HNF1A: variants seen among roughly 807,000 people sequenced by gnomAD.
HNF1A encodes hepatocyte nuclear factor 1-alpha.
Under a neutral mutation model 62.2 loss-of-function variants are expected in HNF1A, and 21 were observed. The observed-to-expected ratio is 0.34, with a 90% CI of 0.24 to 0.49. The LOEUF (loss-of-function observed/expected upper bound fraction) is 0.49. HNF1A is among the 20% of genes least tolerant of loss of function. The pLI, the probability that HNF1A is intolerant of heterozygous loss-of-function variation, is 0.99. For synonymous variants in HNF1A, 374 were observed against 366.8 expected (o/e 1.02, Z -0.22); for missense variants, 687 against 832.3 (o/e 0.83, Z 2.15).
At chr12:120,997,856 CTGCT>C (rs1877198859) in intron 7 of HNF1A, 191 bp downstream of exon 7, 9 of 732,196 alleles carry the variant, frequency 1.2e-5, no homozygotes, top group South Asian at 1.2e-4. Context: ...GTGTGCACGA[CTGCT>C]TGTGTGAGCA....
intron 1 of HNF1A, among the ~76,000 whole-genome samples, chr12:120,987,763 G>GATCT (rs71811344): frequency 0.021 from 3,055 of 146,980 alleles, 41 homozygotes; most frequent in Admixed American, 0.032. Context: ...TCACAAAGTT[G>GATCT]ATCTATCTAT....
Position 120,996,956 on chromosome 12 carries a change from C to T in HNF1A, c.1309+214C>T. The T allele has an allele frequency of 6.7e-7, 1 of 1,500,728 alleles. No homozygotes were observed. Among genetic ancestry groups the T allele is most frequent in the Non-Finnish European group, 9.1e-7 (1 of 1,104,170 alleles). 93.0% of individuals were successfully genotyped at this position (1,500,728 alleles called of 1,614,324 possible). Reference sequence around the variant, plus strand: ...AGCAACTCAAGCAGGGAGGCAGGCACTAAGCATAATACATCAATTCTGTGG... The same window carrying T: ...AGCAACTCAAGCAGGGAGGCAGGCATTAAGCATAATACATCAATTCTGTGG... On this transcript the variant is annotated intron_variant, in intron 6 of 9. Coordinates refer to ENST00000257555, the MANE Select transcript of HNF1A (RefSeq NM_000545.8). The surrounding 1 kb of genome is among the most constrained non-coding windows in gnomAD (Gnocchi z 4.5).
rs1367943647 is a variant in HNF1A at position 120,996,448 on chromosome 12, C to A, written c.1107+35C>A. The A allele has an allele frequency of 6.2e-7, 1 of 1,614,048 alleles. No individual in the cohort carries two copies. The highest frequency in any genetic ancestry group is 1.1e-5 in the South Asian group (1 of 91,092). The stretch of plus-strand genomic sequence containing the variant: ...CTTGCTTGTAAGGAAAACCCAACCT[C>A]ATCTTTCCTTGGCAGGGAGATTCTG... On this transcript the variant is annotated intron_variant, in intron 5 of 9. Transcript: ENST00000257555. The surrounding 1 kb of genome is among the most constrained non-coding windows in gnomAD (Gnocchi z 4.5).
intron 1 of HNF1A, among the ~76,000 whole-genome samples, chr12:120,985,767 C>T (rs1876479502): frequency 6.6e-6 from 1 of 151,066 alleles, no homozygotes; most frequent in African/African-American, 2.4e-5. Context: ...GATGGATCAC[C>T]TGAAGTCGGG....
intron 6 of HNF1A, chr12:120,997,016 C>T (rs1268947045): frequency 1.4e-5 from 21 of 1,515,434 alleles, no homozygotes; most frequent in African/African-American, 5.5e-5. Flanking sequence ...GGGCAAATTA[C>T]AGCAGGGTAA....
rs1033384904 is a variant in HNF1A, at chr12:120,996,047, G to A, written c.956-215G>A. On this transcript the variant is annotated intron_variant, in intron 4 of 9. Transcript: ENST00000257555. The surrounding 1 kb of genome is among the most constrained non-coding windows in gnomAD (Gnocchi z 4.5). ...TATAGCACTAGGCAGTGGGAGGAAT[G>A]GAGCTAATAAATGCAGTCCCAGCCT... Among the ~76,000 whole-genome samples the A allele has an allele frequency of 1.3e-5, 2 of 152,208 alleles. No homozygotes were observed. Among genetic ancestry groups the A allele is most frequent in the African/African-American group, 2.4e-5 (1 of 41,448 alleles).
At chr12:121,000,812 T>A (rs1280885199) in intron 9 of HNF1A, 2 of 528,994 alleles carry the variant, frequency 3.8e-6, no homozygotes, top group African/African-American at 3.8e-5. Flanking sequence ...ACTACCTACC[T>A]CGGCATCTCA....
In HNF1A at chr12:120,997,637, C is replaced by T. The variant is rs761289697; in HGVS notation, c.1473C>T (p.Ala491=). 10 of 1,612,782 alleles carry T rather than the reference C, an allele frequency of 6.2e-6. No homozygotes were observed. The highest frequency in any genetic ancestry group is 8.5e-6 in the Non-Finnish European group (10 of 1,179,548). ...ATGTGACCCAGAGCCCCTTCATGGC[C>T]ACCATGGCTCAGCTGCAGAGCCCCC... ...QSHVTQSPFM[A]TMAQLQSPHA... The change falls in exon 7 of 10, where the codon GCC becomes GCT. Residue 491 remains alanine, a synonymous_variant. Transcript: ENST00000257555.
At chr12:120,980,693 G>A (rs1308542348) in intron 1 of HNF1A, 1 of 152,320 alleles carries the variant, frequency 6.6e-6, no homozygotes, top group Non-Finnish European at 1.5e-5. Context: ...TGGGATGGTG[G>A]GGTTGGGGAG....
chr12:120,979,177 G>T, intron 1 of HNF1A, 83 bp downstream of exon 1: 1 of 1,245,524 alleles, frequency 8.0e-7, no homozygotes, highest in South Asian at 1.3e-5. Context: ...CTTCTGAGTT[G>T]AGTCCCCATG....
In HNF1A at chr12:120,979,164, C is replaced by T. The variant is rs1593046957; in HGVS notation, c.326+70C>T. On this transcript the variant is annotated intron_variant, in intron 1 of 9. Transcript: ENST00000257555. ...GGCCCCCCTCAGCTCCTAACGAGCC[C>T]CCCTTCTGAGTTGAGTCCCCATGAC... The T allele has an allele frequency of 5.0e-6, 7 of 1,402,876 alleles. No homozygotes were observed. In the East Asian group the frequency reaches 1.7e-4, roughly 35 times the overall value. The allele number at this position is 1,402,876 out of a possible 1,614,324, so 86.9% of individuals were successfully genotyped here. A position where few individuals can be genotyped will look rare whatever the true frequency, so the allele number is the denominator to read the frequency against.
chr12:120,984,945 CTTT>C (rs34738791), intron 1 of HNF1A, among the ~76,000 whole-genome samples: 6 of 130,648 alleles, frequency 4.6e-5, no homozygotes, highest in Admixed American at 1.6e-4. Context: ...AGTTCTCAGA[CTTT>C]TTTTTTTTTT....
At chr12:120,979,148 C>T (rs1260814396) in intron 1 of HNF1A, 54 bp downstream of exon 1, 2 of 1,484,648 alleles carry the variant, frequency 1.3e-6, no homozygotes, top group Admixed American at 1.9e-5. Flanking sequence ...GGGCCCCCCT[C>T]AGCTCCTAAC....
chr12:120,990,348 C>G (rs1051704980), intron 2 of HNF1A, among the ~76,000 whole-genome samples: 1 of 151,660 alleles, frequency 6.6e-6, no homozygotes, highest in East Asian at 1.9e-4. Context: ...TCACCATGGT[C>G]TCGATCTCCT....
chr12:120,999,150 C>G, intron 7 of HNF1A, 118 bp from the exon 8 acceptor site: 1 of 1,257,216 alleles, frequency 8.0e-7, no homozygotes, highest in South Asian at 1.2e-5. Flanking sequence ...GGATCTCCAA[C>G]TGCTGCCCAG....
At position 120,999,342 on chromosome 12, in the gene HNF1A, G is replaced by A. The variant is rs1315721381; in HGVS notation, c.1576G>A (p.Asp526Asn). The A allele has an allele frequency of 1.9e-5, 31 of 1,613,916 alleles. No homozygotes were observed. Among genetic ancestry groups the A allele is most frequent in the Non-Finnish European group, 2.5e-5 (30 of 1,179,968 alleles). ...GLLPQTMLIT[D>N]TTNLSALASL... ...GCTCCCGCAGACTATGCTCATCACCGACACCACCAACCTGAGCGCCCTGGC... is the reference window on the plus strand; with the variant it reads ...GCTCCCGCAGACTATGCTCATCACCAACACCACCAACCTGAGCGCCCTGGC... Residue 526 changes from aspartate to asparagine, a missense_variant, in exon 8 of 10, where the codon GAC becomes AAC. Transcript: ENST00000257555.
chr12:120,995,726 C>A (rs1340132345), intron 4 of HNF1A, among the ~76,000 whole-genome samples: 5 of 151,972 alleles, frequency 3.3e-5, no homozygotes, highest in Admixed American at 3.3e-4. Context: ...ATCCACTCCA[C>A]CCTATACCAT....
chr12:120,995,262 GCTCCACTCCATCCACTCCACTCACTCAA>G (rs1330517725), intron 4 of HNF1A, among the ~76,000 whole-genome samples: 1 of 142,088 alleles, frequency 7.0e-6, no homozygotes, highest in Non-Finnish European at 1.5e-5. Flanking sequence ...ACTCCATTCA[GCTCCACTCCATCCACTCCACTCACTCAA>G]CTCCATCTAC....
At position 120,979,056 on chromosome 12, in the gene HNF1A, G is replaced by T. The variant is rs1365443611; in HGVS notation, c.288G>T (p.Glu96Asp). Reference protein sequence around the residue: ...LKELENLSPEEAAHQKAVVET... With the variant: ...LKELENLSPEDAAHQKAVVET... ...AGCTGGAGAACCTCAGCCCTGAGGA[G>T]GCGGCCCACCAGAAAGCCGTGGTGG... Residue 96 changes from glutamate to aspartate, a missense_variant, in exon 1 of 10, where the codon GAG becomes GAT. This residue lies in a region of HNF1A where 159 missense variants were observed against 154.4 expected (regional missense o/e 1.03). Transcript: ENST00000257555. 4.3e-6 allele frequency: 7 copies of T among 1,612,220 alleles called. No homozygotes were observed. Among genetic ancestry groups the T allele is most frequent in the Non-Finnish European group, 5.9e-6 (7 of 1,179,296 alleles).
Sources: allele counts gnomAD v4.1 joint callset (sites outside exome capture counted in the v4.1 genomes callset), GRCh38; gene constraint gnomAD v4.1.1; regional missense constraint gnomAD v4.1.1; non-coding constraint Gnocchi (gnomAD v3.1); transcripts MANE v1.5; gene names NCBI Gene and HGNC (gene_info 2026-07-23, HGNC 2026-07-21).